Variants in CFAP299 observed in about 807,000 individuals in gnomAD.
The protein encoded by CFAP299 is cilia and flagella associated protein 299.
CFAP299 carries 21 observed loss-of-function variants against 27.0 expected under a neutral mutation model. The ratio of observed to expected loss-of-function variants is 0.78; its 90% CI spans 0.55 to 1.12. CFAP299 has a LOEUF of 1.12. CFAP299 is among the 50% of genes most tolerant of loss of function. The pLI is 0.00. For missense variants in CFAP299, 310 were observed against 276.6 expected, an observed-to-expected ratio of 1.12 and a Z score of -0.86; for synonymous variants, 104 against 98.1, an observed-to-expected ratio of 1.06 and a Z score of -0.36.
chr4:80,907,992 T>A (rs904813283), intron 4 of CFAP299, among the ~76,000 whole-genome samples: 15 of 152,212 alleles, frequency 9.9e-5, no homozygotes, highest in Non-Finnish European at 1.9e-4. Flanking sequence ...TGGCTTTGCA[T>A]GCAGAGTTTC....
chr4:80,357,832 C>G (rs540075455), intron 1 of CFAP299, among the ~76,000 whole-genome samples: 1 of 151,972 alleles, frequency 6.6e-6, no homozygotes, highest in East Asian at 1.9e-4. Flanking sequence ...TCTCAATCTC[C>G]TTCAATTCAG....
intron 2 of CFAP299, among the ~76,000 whole-genome samples, chr4:80,567,592 G>T (rs969948450): frequency 6.6e-6 from 1 of 151,878 alleles, no homozygotes; most frequent in Non-Finnish European, 1.5e-5. Context: ...CTCTCCCTTC[G>T]TGTTTAAATA....
chr4:80,579,246 C>T (rs1052609844), intron 2 of CFAP299, among the ~76,000 whole-genome samples: 2 of 152,130 alleles, frequency 1.3e-5, no homozygotes, highest in South Asian at 4.1e-4. Context: ...ATTCTAGCTA[C>T]AAGAAAAAAA....
At chr4:80,827,255 G>T (rs1730036294) in intron 3 of CFAP299, among the ~76,000 whole-genome samples, 1 of 151,674 alleles carries the variant, frequency 6.6e-6, no homozygotes, top group African/African-American at 2.4e-5. Context: ...CAAATACACT[G>T]CAAGAAAACT....
chr4:80,799,459 T>C (rs1408146370), intron 3 of CFAP299, among the ~76,000 whole-genome samples: 2 of 90,480 alleles, frequency 2.2e-5, no homozygotes, highest in African/African-American at 9.2e-5. Context: ...ATATATATAA[T>C]ATATTTTATA....
the CFAP299 span, among the ~76,000 whole-genome samples, chr4:80,326,916 T>C: frequency 1.4e-3 from 215 of 152,346 alleles, no homozygotes; most frequent in African/African-American, 4.7e-3. Flanking sequence ...TTTCGTAATT[T>C]TATATATTTG....
chr4:80,411,564 C>A (rs997181104), intron 2 of CFAP299, among the ~76,000 whole-genome samples: 2 of 151,914 alleles, frequency 1.3e-5, no homozygotes, highest in African/African-American at 4.8e-5. Context: ...ATTTAATAAA[C>A]AACCTTTGCT....
intron 2 of CFAP299, among the ~76,000 whole-genome samples, chr4:80,577,543 T>C (rs919434865): frequency 1.3e-5 from 2 of 151,534 alleles, no homozygotes; most frequent in Admixed American, 1.3e-4. Context: ...CCTGGGACTA[T>C]AGGTGCATGC....
chr4:80,380,267 C>A (rs953449172), intron 2 of CFAP299, among the ~76,000 whole-genome samples: 2 of 151,974 alleles, frequency 1.3e-5, no homozygotes, highest in Admixed American at 1.3e-4. Flanking sequence ...GCCTAAAATA[C>A]ATTTACAAAG....
At chr4:80,518,447 TAC>T (rs1732698283) in intron 2 of CFAP299, among the ~76,000 whole-genome samples, 1 of 152,158 alleles carries the variant, frequency 6.6e-6, no homozygotes, top group Non-Finnish European at 1.5e-5. Context: ...GTGAGTGGAT[TAC>T]ACTTGCGAGT....
intron 3 of CFAP299, among the ~76,000 whole-genome samples, chr4:80,734,601 C>A (rs1168598483): frequency 1.3e-5 from 2 of 152,044 alleles, no homozygotes; most frequent in Non-Finnish European, 2.9e-5. Flanking sequence ...AGTTTGAGGT[C>A]TTAGATTTAA....
chr4:80,408,025 A>G (rs540477474), intron 2 of CFAP299, among the ~76,000 whole-genome samples: 4 of 152,292 alleles, frequency 2.6e-5, no homozygotes, highest in African/African-American at 9.6e-5. Flanking sequence ...TGAATATACT[A>G]CCATAGAGTC....
At chr4:80,386,300 C>G in intron 2 of CFAP299, 1 of 1,274,436 alleles carries the variant, frequency 7.8e-7, no homozygotes, top group Non-Finnish European at 1.1e-6. Context: ...GTACCACCAG[C>G]TCAGATTCTG....
At chr4:80,498,070 C>T (rs1033213569) in intron 2 of CFAP299, among the ~76,000 whole-genome samples, 4 of 152,128 alleles carry the variant, frequency 2.6e-5, no homozygotes, top group South Asian at 2.1e-4. Flanking sequence ...GGACCCCTTC[C>T]CTTCACCATA....
chr4:80,364,082 G>A (rs1036779889), intron 2 of CFAP299, among the ~76,000 whole-genome samples: 7 of 3,572 alleles, frequency 2.0e-3, no homozygotes, highest in South Asian at 0.03. Context: ...GCGAGACTCC[G>A]TCTCAAAACA....
intron 3 of CFAP299, among the ~76,000 whole-genome samples, chr4:80,677,178 A>G (rs1312706592): frequency 6.6e-6 from 1 of 151,678 alleles, no homozygotes; most frequent in Non-Finnish European, 1.5e-5. Flanking sequence ...ATATTTTAAA[A>G]TTTTCTTCTT....
intron 3 of CFAP299, among the ~76,000 whole-genome samples, chr4:80,860,851 G>A (rs947618884): frequency 6.6e-6 from 1 of 152,156 alleles, no homozygotes; most frequent in African/African-American, 2.4e-5. Flanking sequence ...GCTGCTCAGG[G>A]GTCAGGGGTC....
At chr4:80,602,949 A>C (rs910120761) in intron 3 of CFAP299, among the ~76,000 whole-genome samples, 2 of 152,088 alleles carry the variant, frequency 1.3e-5, no homozygotes, top group Non-Finnish European at 2.9e-5. Flanking sequence ...TCTGCTTCTC[A>C]GTTTTCTCTT....
At chr4:80,342,528 GA>G (rs1722505968) in intron 1 of CFAP299, among the ~76,000 whole-genome samples, 1 of 152,166 alleles carries the variant, frequency 6.6e-6, no homozygotes, top group African/African-American at 2.4e-5. Flanking sequence ...CATTCTTCAA[GA>G]AAAGAATTTC....
Sources: gnomAD v4.1 joint callset for allele counts (sites outside exome capture counted in the v4.1 genomes callset) on GRCh38, gnomAD v4.1.1 for gene constraint, MANE v1.5 for transcripts, NCBI Gene and HGNC (gene_info 2026-07-23, HGNC 2026-07-21) for gene names.